STOX2: variants seen among roughly 807,000 people sequenced by gnomAD.
The protein encoded by STOX2 is storkhead-box protein 2.
In STOX2, 28 loss-of-function variants were observed where a neutral mutation model predicts 60.9. The ratio of observed to expected loss-of-function variants is 0.46; its 90% CI spans 0.34 to 0.63. The LOEUF (loss-of-function observed/expected upper bound fraction) is 0.63, where lower values mean the gene tolerates loss of function less well. Among genes scored for constraint, STOX2 ranks in the 30% least tolerant of loss-of-function variants. The pLI is 0.01. For synonymous variants in STOX2, 472 were observed against 463.9 expected, an observed-to-expected ratio of 1.02 and a Z score of -0.22; for missense variants, 1,024 against 1,187.7, an observed-to-expected ratio of 0.86 and a Z score of 2.03.
At chr4:183,976,637 C>G (rs1415000588) in intron 1 of STOX2, among the ~76,000 whole-genome samples, 1 of 152,152 alleles carries the variant, frequency 6.6e-6, no homozygotes, top group African/African-American at 2.4e-5. Flanking sequence ...CAGGATCACT[C>G]ATACCCCAAA....
At chr4:183,805,966 G>C (rs1189365499) in intron 1 of STOX2, among the ~76,000 whole-genome samples, 1 of 152,178 alleles carries the variant, frequency 6.6e-6, no homozygotes, top group Admixed American at 6.5e-5. Context: ...TTGAGAATTT[G>C]ATAAATGGAT....
intron 1 of STOX2, among the ~76,000 whole-genome samples, chr4:183,936,195 C>A (rs1362458669): frequency 6.6e-6 from 1 of 150,512 alleles, no homozygotes; most frequent in East Asian, 1.9e-4. Context: ...TTCCTCCAAG[C>A]CTTGGCAAAC....
At chr4:183,838,837 C>T (rs1040435884) in intron 1 of STOX2, among the ~76,000 whole-genome samples, 3 of 152,194 alleles carry the variant, frequency 2.0e-5, no homozygotes, top group African/African-American at 7.2e-5. Context: ...ACCTCCTCCA[C>T]GTGGTTACAC....
chr4:183,856,390 CT>C lies in STOX2; in HGVS notation c.364+58336del, dbSNP rs1674273838. 6.6e-6 allele frequency among the ~76,000 whole-genome samples: 1 copy of C among 152,218 alleles called. No homozygotes were observed. The highest frequency in any genetic ancestry group is 6.5e-5 in the Admixed American group (1 of 15,288). The stretch of plus-strand genomic sequence containing the variant: ...CGCACAAACAGTTGCAAAGTGAACA[CT>C]CGGATGAGTAGTTTTCAGCATTAAA... On this transcript the variant is annotated intron_variant, in intron 1 of 2. Coordinates refer to the STOX2 transcript ENST00000513034. The surrounding 1 kb of genome is among the most constrained non-coding windows in gnomAD (Gnocchi z 4.0).
chr4:183,974,257 A>G (rs1024043466), intron 1 of STOX2, among the ~76,000 whole-genome samples: 2 of 152,202 alleles, frequency 1.3e-5, no homozygotes, highest in African/African-American at 4.8e-5. Flanking sequence ...TAGATAAACA[A>G]AAATAGAGCA....
chr4:183,924,695 C>A (rs1055398201), intron 1 of STOX2, among the ~76,000 whole-genome samples: 4 of 151,964 alleles, frequency 2.6e-5, no homozygotes, highest in Admixed American at 1.3e-4. Context: ...GATTGTAGGG[C>A]CTAGAGGAAG....
At position 184,001,051 on chromosome 4, in the gene STOX2, C is replaced by G. The variant is rs1265959516; in HGVS notation, c.167-274C>G. Reference sequence around the variant, plus strand: ...GAAATAAAAGCCTGTTGTTGCAAGACTTTCAGTACTAGGACTATTTAAATG... The same window carrying G: ...GAAATAAAAGCCTGTTGTTGCAAGAGTTTCAGTACTAGGACTATTTAAATG... On this transcript the variant is annotated intron_variant, in intron 1 of 3. Coordinates refer to ENST00000308497, the MANE Select transcript of STOX2 (RefSeq NM_020225.3). This position sits in a 1 kb window ranked among gnomAD's most constrained non-coding sequence, Gnocchi z 4.2. Among the ~76,000 whole-genome samples, 2 of 152,096 alleles carry G rather than the reference C, an allele frequency of 1.3e-5. No homozygotes were observed. Among genetic ancestry groups the G allele is most frequent in the East Asian group, 3.8e-4 (2 of 5,196 alleles).
rs186472916 is a variant in STOX2, at chr4:183,865,531, A to G, written c.364+67476A>G. The stretch of plus-strand genomic sequence containing the variant: ...AAGTATTATAATACAATTTAATAAA[A>G]GACCTTGTTAGTAGTATCAAAAAGC... On this transcript the variant is annotated intron_variant, in intron 1 of 2. Coordinates refer to the STOX2 transcript ENST00000513034. The surrounding 1 kb of genome is among the most constrained non-coding windows in gnomAD (Gnocchi z 4.1). Among the ~76,000 whole-genome samples, 411 of 152,376 alleles carry G rather than the reference A, an allele frequency of 2.7e-3. 5 individuals are homozygous for G. Among genetic ancestry groups the G allele is most frequent in the South Asian group, 0.025 (121 of 4,826 alleles).
In STOX2 at chr4:184,010,453, G is replaced by A. The variant is rs753375508; in HGVS notation, c.1615G>A (p.Val539Ile). Residue 539 changes from valine (V) to isoleucine (I), a missense_variant, in exon 3 of 4, where the codon GTT (valine) becomes ATT (isoleucine). Transcript: ENST00000308497. The surrounding 1 kb of genome is among the most constrained non-coding windows in gnomAD (Gnocchi z 4.5). ...CAGTACTTTAAGGCCTGCACAGACC[G>A]TTAGTCTCCAAAGGGCTCACATTTC... ...DDSTLRPAQT[V>I]SLQRAHISST... is the part of the protein sequence containing the mutation. 1.9e-5 allele frequency: 31 copies of A among 1,613,710 alleles called. No individual in the cohort carries two copies. In the Middle Eastern group the frequency reaches 4.9e-4, roughly 26 times the overall value.
chr4:183,807,446 C>T (rs1395433870), intron 1 of STOX2, among the ~76,000 whole-genome samples: 1 of 151,608 alleles, frequency 6.6e-6, no homozygotes, highest in African/African-American at 2.4e-5. Flanking sequence ...CCTTGCAAAC[C>T]ACCTGTCAGC....
intron 1 of STOX2, among the ~76,000 whole-genome samples, chr4:183,872,789 T>A (rs112555691): frequency 1.1e-4 from 17 of 152,308 alleles, no homozygotes; most frequent in East Asian, 5.8e-4. Flanking sequence ...GCTTATTATT[T>A]TTTTTTTAAT....
intron 2 of STOX2, among the ~76,000 whole-genome samples, chr4:184,008,363 C>T (rs910770122): frequency 6.6e-6 from 1 of 152,208 alleles, no homozygotes. Flanking sequence ...TACAAAGAAG[C>T]TTTCATCATT....
At chr4:183,951,157 G>C (rs903589307) in intron 1 of STOX2, among the ~76,000 whole-genome samples, 7 of 150,950 alleles carry the variant, frequency 4.6e-5, no homozygotes, top group African/African-American at 1.7e-4. Context: ...GGAGCTTGCA[G>C]TGAGCCGAGA....
In STOX2 at chr4:183,928,220, G is replaced by C. The variant is rs983879615; in HGVS notation, c.166+21264G>C. Among the ~76,000 whole-genome samples the C allele has an allele frequency of 5.8e-4, 3 of 5,154 alleles. No individual in the cohort carries two copies. The South Asian group carries it at 0.017, about 29-fold the overall frequency. The allele number at this position is 5,154 out of a possible 152,430, so 3.4% of individuals were successfully genotyped here. ...CGTGGGTGAGGATGGGGAGCCCTCG[G>C]GGGGGGGCATTTTGTATCTGGTGTA... On this transcript the variant is annotated intron_variant, in intron 1 of 3. Transcript: ENST00000308497.
intron 1 of STOX2, among the ~76,000 whole-genome samples, chr4:183,970,079 GAAAA>G (rs1743694175): frequency 6.7e-6 from 1 of 150,226 alleles, no homozygotes; most frequent in Admixed American, 6.6e-5. Flanking sequence ...GCCCATGCAT[GAAAA>G]AAACACTTTA....
intron 1 of STOX2, among the ~76,000 whole-genome samples, chr4:183,948,908 G>A (rs891301450): frequency 3.3e-5 from 5 of 152,130 alleles, no homozygotes; most frequent in Non-Finnish European, 7.3e-5. Flanking sequence ...AACATGTGAA[G>A]TATTGTCTCT....
chr4:183,870,485 A>G (rs1234691179), intron 1 of STOX2, among the ~76,000 whole-genome samples: 2 of 152,130 alleles, frequency 1.3e-5, no homozygotes, highest in Admixed American at 6.5e-5. Flanking sequence ...GGTTTTTTGT[A>G]CTCTGAACTA....
intron 1 of STOX2, among the ~76,000 whole-genome samples, chr4:183,874,982 T>A (rs1461447430): frequency 9.1e-5 from 8 of 87,802 alleles, no homozygotes; most frequent in South Asian, 3.9e-4. Flanking sequence ...TATATATATA[T>A]ATATATATAT....
At chr4:183,963,833 T>A (rs1288387527) in intron 1 of STOX2, among the ~76,000 whole-genome samples, 3 of 151,354 alleles carry the variant, frequency 2.0e-5, no homozygotes, top group Admixed American at 6.6e-5. Flanking sequence ...TGGAGTGCAG[T>A]GGCATGATCT....
Sources: allele counts gnomAD v4.1 joint callset (sites outside exome capture counted in the v4.1 genomes callset), GRCh38; gene constraint gnomAD v4.1.1; non-coding constraint Gnocchi (gnomAD v3.1); transcripts MANE v1.5; gene names NCBI Gene and HGNC (gene_info 2026-07-23, HGNC 2026-07-21).